RBMS3: variants seen among roughly 807,000 people sequenced by gnomAD.
RBMS3 encodes the protein RNA-binding motif, single-stranded-interacting protein 3.
Under a neutral mutation model 66.8 loss-of-function variants are expected in RBMS3, and 27 were observed. That is an observed-to-expected ratio of 0.40 (90% CI 0.30 to 0.56). The LOEUF (loss-of-function observed/expected upper bound fraction) is 0.56. RBMS3 is among the 20% of genes least tolerant of loss of function. The pLI, the probability that RBMS3 is intolerant of heterozygous loss-of-function variation, is 0.40. For synonymous variants in RBMS3, 188 were observed against 183.0 expected (o/e 1.03, Z -0.22); for missense variants, 513 against 549.5 (o/e 0.93, Z 0.66).
intron 5 of RBMS3, among the ~76,000 whole-genome samples, chr3:29,744,149 C>T (rs944750724): frequency 2.6e-5 from 4 of 152,038 alleles, no homozygotes; most frequent in African/African-American, 9.7e-5. Flanking sequence ...GCCTGATTTA[C>T]ATTGTTTTAC....
intron 4 of RBMS3, among the ~76,000 whole-genome samples, chr3:29,640,305 G>C (rs9838860): frequency 0.31 from 46,443 of 150,310 alleles, 7,432 homozygotes; most frequent in African/African-American, 0.38. Context: ...CACGAAAGAC[G>C]GAAAGAAAAC....
intron 4 of RBMS3, among the ~76,000 whole-genome samples, chr3:29,600,034 A>G (rs971420605): frequency 2.6e-5 from 4 of 152,110 alleles, no homozygotes; most frequent in Non-Finnish European, 5.9e-5. Flanking sequence ...CCAAGATACT[A>G]TTTTTACTAT....
intron 14 of RBMS3, among the ~76,000 whole-genome samples, chr3:29,994,526 CTCTG>C (rs1173352424): frequency 1.3e-5 from 2 of 152,240 alleles, no homozygotes; most frequent in East Asian, 3.8e-4. Context: ...ACTTAAATGT[CTCTG>C]TCTGACAGCT....
chr3:29,578,840 GTCGGA>G lies in RBMS3; in HGVS notation c.308-8273_308-8269del, dbSNP rs1416574125. Among the ~76,000 whole-genome samples the G allele has an allele frequency of 3.4e-5, 4 of 119,212 alleles. No individual in the cohort carries two copies. The East Asian group carries it at 1.4e-3, about 42-fold the overall frequency. The allele number at this position is 119,212 out of a possible 152,430, so 78.2% of individuals were successfully genotyped here. On this transcript the variant is annotated intron_variant, in intron 3 of 14. Coordinates refer to ENST00000383767, the MANE Select transcript of RBMS3 (RefSeq NM_001003793.3). ...GACGGAGTCTCGCTCTGTCGCCCAG[GTCGGA>G]CTGCGGACTGCAGTGGCGCAATCTC... is the stretch of plus-strand genomic sequence containing the variant.
chr3:29,527,381 T>C (rs2045170172), intron 3 of RBMS3, among the ~76,000 whole-genome samples: 1 of 152,088 alleles, frequency 6.6e-6, no homozygotes, highest in Non-Finnish European at 1.5e-5. Flanking sequence ...ATCTAGTGCA[T>C]TGCACTAAGA....
chr3:29,421,426 TA>T (rs1433964216), intron 1 of RBMS3, among the ~76,000 whole-genome samples: 2 of 152,182 alleles, frequency 1.3e-5, no homozygotes, highest in Non-Finnish European at 2.9e-5. Context: ...AAAATCTAAT[TA>T]TTTTTAGTGT....
chr3:29,513,437 C>G (rs1399578607), intron 3 of RBMS3, among the ~76,000 whole-genome samples: 2 of 152,124 alleles, frequency 1.3e-5, no homozygotes, highest in Non-Finnish European at 2.9e-5. Context: ...ATGAACCATT[C>G]CAACTGGCCC....
At chr3:29,407,678 G>A (rs1158860142) in intron 1 of RBMS3, among the ~76,000 whole-genome samples, 1 of 152,114 alleles carries the variant, frequency 6.6e-6, no homozygotes, top group Non-Finnish European at 1.5e-5. Context: ...AGATGATTGA[G>A]TTAGGCTTGA....
intron 4 of RBMS3, among the ~76,000 whole-genome samples, chr3:29,701,619 G>A (rs974124605): frequency 4.6e-5 from 7 of 152,106 alleles, no homozygotes; most frequent in East Asian, 1.9e-4. Context: ...CGTCGTTCAC[G>A]GCCCTGTGTG....
chr3:29,970,582 G>A (rs1371657215), intron 12 of RBMS3, among the ~76,000 whole-genome samples: 1 of 152,006 alleles, frequency 6.6e-6, no homozygotes, highest in African/African-American at 2.4e-5. Flanking sequence ...CTTTGTTTGA[G>A]AATGTAACTG....
At chr3:29,526,689 C>G (rs763573092) in intron 3 of RBMS3, among the ~76,000 whole-genome samples, 1 of 151,848 alleles carries the variant, frequency 6.6e-6, no homozygotes, top group Non-Finnish European at 1.5e-5. Context: ...TGCTGGACAG[C>G]TAAACTCTGC....
chr3:29,847,650 T>C (rs192416866), intron 6 of RBMS3, among the ~76,000 whole-genome samples: 4 of 151,992 alleles, frequency 2.6e-5, no homozygotes, highest in Non-Finnish European at 5.9e-5. Context: ...GTTTTATTTT[T>C]TTTTTTTTAT....
intron 4 of RBMS3, among the ~76,000 whole-genome samples, chr3:29,701,783 T>G (rs2052598866): frequency 6.6e-6 from 1 of 152,130 alleles, no homozygotes; most frequent in African/African-American, 2.4e-5. Flanking sequence ...GCTGGAATTC[T>G]CACCGGGCCT....
At position 29,302,021 on chromosome 3, in the gene RBMS3, GT is replaced by G. The variant is rs2125447515; in HGVS notation, c.75+20272del. Among the ~76,000 whole-genome samples, 3 of 151,976 alleles carry G rather than the reference GT, an allele frequency of 2.0e-5. No homozygotes were observed. The East Asian group carries it at 5.9e-4, about 30-fold the overall frequency. Reference sequence around the variant, plus strand: ...TACAATATTAAATTTTTTTTAAAAAGTTTTTTTGAAGACAGTCTTACTCTGT... The same window carrying G: ...TACAATATTAAATTTTTTTTAAAAAGTTTTTTGAAGACAGTCTTACTCTGT... On this transcript the variant is annotated intron_variant, in intron 1 of 14. Coordinates refer to ENST00000383767, the MANE Select transcript of RBMS3 (RefSeq NM_001003793.3).
chr3:29,870,723 G>C (rs916068566), intron 7 of RBMS3, among the ~76,000 whole-genome samples: 8 of 152,032 alleles, frequency 5.3e-5, no homozygotes, highest in African/African-American at 1.9e-4. Context: ...GGTTTTAAAG[G>C]TATATTCCTA....
chr3:29,514,856 A>G (rs1056372366), intron 3 of RBMS3, among the ~76,000 whole-genome samples: 1 of 151,538 alleles, frequency 6.6e-6, no homozygotes, highest in Non-Finnish European at 1.5e-5. Context: ...TAAAAATAAT[A>G]CCTAACTGTC....
At chr3:29,679,645 T>A (rs1336107543) in intron 4 of RBMS3, among the ~76,000 whole-genome samples, 1 of 152,106 alleles carries the variant, frequency 6.6e-6, no homozygotes, top group African/African-American at 2.4e-5. Flanking sequence ...AGCCGTATTA[T>A]ATCATCCTAC....
At chr3:29,734,556 A>T (rs1436785419) in intron 4 of RBMS3, among the ~76,000 whole-genome samples, 1 of 152,030 alleles carries the variant, frequency 6.6e-6, no homozygotes, top group Non-Finnish European at 1.5e-5. Context: ...AATGTTTTTT[A>T]AAAAGGGTTC....
intron 1 of RBMS3, among the ~76,000 whole-genome samples, chr3:29,384,412 T>G (rs2038907835): frequency 1.1e-5 from 1 of 93,160 alleles, no homozygotes; most frequent in Admixed American, 1.2e-4. Context: ...AGTAAACATA[T>G]ACACCAATAA....
Sources: gnomAD v4.1 joint callset for allele counts (sites outside exome capture counted in the v4.1 genomes callset) on GRCh38, gnomAD v4.1.1 for gene constraint, MANE v1.5 for transcripts, NCBI Gene and HGNC (gene_info 2026-07-23, HGNC 2026-07-21) for gene names.